Variants in DCC observed in about 807,000 individuals in gnomAD.
DCC encodes the protein DCC netrin 1 receptor.
DCC carries 58 observed loss-of-function variants against 172.5 expected under a neutral mutation model. The observed-to-expected ratio is 0.34, with a 90% CI of 0.27 to 0.42. DCC has a LOEUF of 0.42. DCC is among the 10% of genes least tolerant of loss of function. The pLI is 1.00. For synonymous variants in DCC, 709 were observed against 644.5 expected (o/e 1.10, Z -1.52); for missense variants, 1,740 against 1,791.0 (o/e 0.97, Z 0.51).
intron 12 of DCC, among the ~76,000 whole-genome samples, chr18:53,271,591 G>T (rs573552369): frequency 1.2e-4 from 18 of 152,258 alleles, no homozygotes; most frequent in Admixed American, 7.2e-4. Flanking sequence ...TTGCTCCATG[G>T]ACCTCTCCAT....
intron 5 of DCC, among the ~76,000 whole-genome samples, chr18:52,999,509 A>C (rs1350307118): frequency 6.6e-6 from 1 of 152,080 alleles, no homozygotes; most frequent in Non-Finnish European, 1.5e-5. Flanking sequence ...AAAGGGCTTC[A>C]GTGACTAAGA....
At chr18:52,520,430 C>T (rs879494269) in intron 1 of DCC, among the ~76,000 whole-genome samples, 9 of 152,184 alleles carry the variant, frequency 5.9e-5, no homozygotes, top group Admixed American at 2.0e-4. Context: ...TCAGGTAATA[C>T]ATACACATTT....
At chr18:53,281,667 A>G (rs1312959246) in intron 12 of DCC, among the ~76,000 whole-genome samples, 1 of 151,948 alleles carries the variant, frequency 6.6e-6, no homozygotes, top group Non-Finnish European at 1.5e-5. Context: ...ATACGCAGGA[A>G]TTTTGCAAGG....
chr18:52,733,282 A>G (rs1386630880), intron 1 of DCC, among the ~76,000 whole-genome samples: 1 of 152,158 alleles, frequency 6.6e-6, no homozygotes, highest in African/African-American at 2.4e-5. Context: ...GTCCTTTCTA[A>G]CATGATTCAC....
At chr18:53,354,996 T>G (rs2057860917) in intron 15 of DCC, among the ~76,000 whole-genome samples, 1 of 152,146 alleles carries the variant, frequency 6.6e-6, no homozygotes, top group Non-Finnish European at 1.5e-5. Context: ...TACATATGGC[T>G]AGCCAGTTTT....
intron 1 of DCC, among the ~76,000 whole-genome samples, chr18:52,475,477 G>A (rs74546593): frequency 6.6e-6 from 1 of 152,208 alleles, no homozygotes; most frequent in African/African-American, 2.4e-5. Context: ...CTTGAAACAG[G>A]AAGGAATGGA....
intron 1 of DCC, among the ~76,000 whole-genome samples, chr18:52,477,246 C>T (rs1176713539): frequency 3.9e-5 from 6 of 152,018 alleles, no homozygotes; most frequent in Admixed American, 6.6e-5. Flanking sequence ...CTGCATCATG[C>T]GAAGAGATTG....
intron 15 of DCC, among the ~76,000 whole-genome samples, chr18:53,351,383 A>ACTGT (rs1375836693): frequency 8.5e-5 from 3 of 35,092 alleles, no homozygotes; most frequent in Admixed American, 5.1e-4. Flanking sequence ...ATATATATAC[A>ACTGT]GTATATATAT....
chr18:52,690,319 A>G (rs1251911010), intron 1 of DCC, among the ~76,000 whole-genome samples: 1 of 152,154 alleles, frequency 6.6e-6, no homozygotes, highest in Non-Finnish European at 1.5e-5. Context: ...CATATGTACA[A>G]ACACATACTG....
At chr18:52,839,943 C>T (rs903000292) in intron 2 of DCC, among the ~76,000 whole-genome samples, 4 of 152,218 alleles carry the variant, frequency 2.6e-5, no homozygotes, top group African/African-American at 9.7e-5. Context: ...TCACTTCTTC[C>T]CACTACAGGC....
chr18:53,054,957 A>G (rs941449618), intron 5 of DCC, among the ~76,000 whole-genome samples: 2 of 152,128 alleles, frequency 1.3e-5, no homozygotes, highest in Non-Finnish European at 2.9e-5. Context: ...TATAGGTGCA[A>G]TTGGTATGAA....
At chr18:52,791,719 A>G (rs370734027) in intron 2 of DCC, among the ~76,000 whole-genome samples, 3 of 152,012 alleles carry the variant, frequency 2.0e-5, no homozygotes, top group African/African-American at 4.8e-5. Flanking sequence ...CATCTGTTGC[A>G]CTTTCCTCCT....
At chr18:52,553,475 A>G (rs1370345285) in intron 1 of DCC, among the ~76,000 whole-genome samples, 2 of 152,072 alleles carry the variant, frequency 1.3e-5, no homozygotes, top group Non-Finnish European at 2.9e-5. Context: ...CAGCTTGACC[A>G]GGCGACACAA....
intron 2 of DCC, among the ~76,000 whole-genome samples, chr18:52,867,193 A>G (rs1199055500): frequency 1.3e-5 from 2 of 152,150 alleles, no homozygotes; most frequent in Non-Finnish European, 2.9e-5. Context: ...ATTGATTTGC[A>G]TATGTTGAAC....
intron 2 of DCC, among the ~76,000 whole-genome samples, chr18:52,856,892 T>C (rs887594764): frequency 1.1e-4 from 17 of 152,258 alleles, no homozygotes; most frequent in African/African-American, 4.1e-4. Context: ...GTAACTGTTA[T>C]ACAACAAATT....
intron 12 of DCC, among the ~76,000 whole-genome samples, chr18:53,301,121 C>T (rs1223554500): frequency 6.8e-6 from 1 of 146,882 alleles, no homozygotes; most frequent in African/African-American, 2.5e-5. Context: ...TGGAGTTTTG[C>T]TCTTGTTGCC....
intron 12 of DCC, among the ~76,000 whole-genome samples, chr18:53,262,962 A>ATATCTG (rs1483761490): frequency 6.6e-6 from 1 of 152,234 alleles, no homozygotes; most frequent in Non-Finnish European, 1.5e-5. Flanking sequence ...TACAATAAGC[A>ATATCTG]TATCTGTAGA....
chr18:52,490,793 C>T (rs535446946), intron 1 of DCC, among the ~76,000 whole-genome samples: 31 of 152,196 alleles, frequency 2.0e-4, no homozygotes, highest in South Asian at 4.1e-4. Context: ...AAAGACCCCA[C>T]CTCTTGTGAG....
intron 15 of DCC, among the ~76,000 whole-genome samples, chr18:53,358,530 C>CTTTTTTTTTTTTTTTTTTTTTT (rs35093625): frequency 1.0e-5 from 1 of 95,920 alleles, no homozygotes; most frequent in Non-Finnish European, 1.9e-5. Context: ...TTCTCTCTCT[C>CTTTTTTTTTTTTTTTTTTTTTT]TTTTTTTTTT....
Sources: allele counts gnomAD v4.1 joint callset (sites outside exome capture counted in the v4.1 genomes callset), GRCh38; gene constraint gnomAD v4.1.1; transcripts MANE v1.5; gene names NCBI Gene and HGNC (gene_info 2026-07-23, HGNC 2026-07-21).